DNAAF11: variants seen among roughly 807,000 people sequenced by gnomAD.
The protein encoded by DNAAF11 is dynein axonemal assembly factor 11.
In DNAAF11, 45 loss-of-function variants were observed where a neutral mutation model predicts 60.8. The observed-to-expected ratio is 0.74, with a 90% CI of 0.58 to 0.95. DNAAF11 has a LOEUF of 0.95. DNAAF11 is among the 40% of genes least tolerant of loss of function. The pLI, the probability that DNAAF11 is intolerant of heterozygous loss-of-function variation, is 0.00. For synonymous variants in DNAAF11, 191 were observed against 183.5 expected (o/e 1.04, Z -0.33); for missense variants, 546 against 546.2 (o/e 1.00, Z 0.00).
At chr8:132,632,411 T>A (rs1328665476) in intron 5 of DNAAF11, among the ~76,000 whole-genome samples, 1 of 152,258 alleles carries the variant, frequency 6.6e-6, no homozygotes, top group African/African-American at 2.4e-5. Flanking sequence ...GATTTGTATT[T>A]AACTTTTCTA....
At chr8:132,668,643 C>T (rs1824876679) in intron 1 of DNAAF11, among the ~76,000 whole-genome samples, 1 of 151,968 alleles carries the variant, frequency 6.6e-6, no homozygotes, top group Non-Finnish European at 1.5e-5. Context: ...GGGGTTTCAC[C>T]GTGTTAGCCA....
intron 11 of DNAAF11, among the ~76,000 whole-genome samples, chr8:132,574,364 C>T (rs1327073882): frequency 1.3e-5 from 2 of 152,192 alleles, no homozygotes; most frequent in African/African-American, 2.4e-5. Context: ...CTGTGCCTTG[C>T]AATGTGTGCA....
intron 10 of DNAAF11, among the ~76,000 whole-genome samples, chr8:132,585,888 G>A (rs1815840192): frequency 6.6e-6 from 1 of 152,112 alleles, no homozygotes; most frequent in Non-Finnish European, 1.5e-5. Context: ...TGTCTATATG[G>A]TTTAAATATG....
At chr8:132,677,128 G>C (rs1428505757), upstream of DNAAF11, among the ~76,000 whole-genome samples, 1 of 152,176 alleles carries the variant, frequency 6.6e-6, no homozygotes, top group Non-Finnish European at 1.5e-5. Flanking sequence ...CGCTGACACT[G>C]ACACGTGACA....
At chr8:132,622,350 AGTTTCATGGG>A (rs1386432519) in intron 7 of DNAAF11, among the ~76,000 whole-genome samples, 3 of 152,240 alleles carry the variant, frequency 2.0e-5, no homozygotes, top group African/African-American at 7.2e-5. Flanking sequence ...TATGGTCCAA[AGTTTCATGGG>A]GTACATAAAT....
At chr8:132,654,244 T>C (rs1407936172) in intron 3 of DNAAF11, among the ~76,000 whole-genome samples, 2 of 152,072 alleles carry the variant, frequency 1.3e-5, no homozygotes, top group African/African-American at 4.8e-5. Context: ...TAAACATATA[T>C]GCACCTAAGA....
At position 132,653,891 on chromosome 8, in the gene DNAAF11, C is replaced by G. The variant is rs190627051; in HGVS notation, c.256+2939G>C. On this transcript the variant is annotated intron_variant, in intron 3 of 11. Coordinates refer to ENST00000620350, the MANE Select transcript of DNAAF11 (RefSeq NM_012472.6). ...TATATAGAAAACACATTGCAGATAA[C>G]AGACACAAATTCTGCCTTATTGCTA... is the stretch of plus-strand genomic sequence containing the variant. 2.0e-5 allele frequency among the ~76,000 whole-genome samples: 3 copies of G among 152,160 alleles called. No homozygotes were observed. In the East Asian group the frequency reaches 5.8e-4, roughly 29 times the overall value.
chr8:132,614,810 T>C (rs1409486915), intron 8 of DNAAF11, among the ~76,000 whole-genome samples: 2 of 152,214 alleles, frequency 1.3e-5, no homozygotes, highest in African/African-American at 4.8e-5. Context: ...ATTTAAACTC[T>C]GCCTTAGATA....
In DNAAF11 at chr8:132,572,391, GGT is replaced by G. The variant is rs1173280896; in HGVS notation, c.1314_1315del (p.Pro439GlnfsTer5). The stretch of plus-strand genomic sequence containing the variant: ...AATTTTGGGTTCAGGTCGTCTTCTG[GGT>G]GTGTGTTTTTTCTCTTGAACTATGT... On this transcript the variant is annotated frameshift_variant, in exon 12 of 12. Transcript: ENST00000620350. LOFTEE classifies it high-confidence loss of function. The G allele has an allele frequency of 5.0e-6, 8 of 1,613,612 alleles. No individual in the cohort carries two copies. Among genetic ancestry groups the G allele is most frequent in the Non-Finnish European group, 6.8e-6 (8 of 1,179,802 alleles).
At chr8:132,695,738 G>A in the DNAAF11 span, among the ~76,000 whole-genome samples, 164 of 76,544 alleles carry the variant, frequency 2.1e-3, no homozygotes, top group African/African-American at 5.9e-3. Context: ...AGAAAGGCCC[G>A]GATGTGTGTT....
intron 9 of DNAAF11, among the ~76,000 whole-genome samples, chr8:132,611,013 A>G (rs1427470441): frequency 1.3e-5 from 2 of 151,972 alleles, no homozygotes; most frequent in African/African-American, 4.8e-5. Flanking sequence ...TCCTGCTTCA[A>G]TCTCCCGAGG....
At chr8:132,593,265 A>G (rs1816646652) in intron 10 of DNAAF11, among the ~76,000 whole-genome samples, 1 of 149,770 alleles carries the variant, frequency 6.7e-6, no homozygotes, top group Non-Finnish European at 1.5e-5. Context: ...GTAAAAAAAG[A>G]TATGTGTTTA....
the DNAAF11 span, among the ~76,000 whole-genome samples, chr8:132,697,967 T>C: frequency 1.1e-4 from 17 of 152,176 alleles, no homozygotes; most frequent in Non-Finnish European, 8.8e-5. Context: ...ATAAAATGTA[T>C]GTATTTATAA....
chr8:132,697,731 G>C, the DNAAF11 span, among the ~76,000 whole-genome samples: 4 of 152,178 alleles, frequency 2.6e-5, no homozygotes, highest in South Asian at 2.1e-4. Flanking sequence ...AATCGTACTA[G>C]AGAGATTGAC....
At chr8:132,638,887 C>T (rs1044631548) in intron 3 of DNAAF11, among the ~76,000 whole-genome samples, 3 of 152,144 alleles carry the variant, frequency 2.0e-5, no homozygotes, top group African/African-American at 7.2e-5. Flanking sequence ...GGAGTCCAGA[C>T]TTGGGAATTA....
At chr8:132,627,560 G>GGGTCTAAAGTTTAAATAAAA in intron 5 of DNAAF11, among the ~76,000 whole-genome samples, 1 of 152,258 alleles carries the variant, frequency 6.6e-6, no homozygotes, top group Non-Finnish European at 1.5e-5. Context: ...AGGTACTAAA[G>GGGTCTAAAGTTTAAATAAAA]GGTCTAAAGT....
chr8:132,608,278 C>A (rs928810605), intron 10 of DNAAF11: 2 of 180,888 alleles, frequency 1.1e-5, no homozygotes. Flanking sequence ...ACATAGTAGT[C>A]GAAAATCTTA....
intron 8 of DNAAF11, among the ~76,000 whole-genome samples, chr8:132,614,533 G>A (rs1315291964): frequency 6.6e-6 from 1 of 152,088 alleles, no homozygotes; most frequent in Non-Finnish European, 1.5e-5. Flanking sequence ...TGGTGATGAG[G>A]GCAGGCAGGA....
rs141179608 is a variant in DNAAF11 at position 132,671,021 on chromosome 8, G to A, written c.10+4463C>T. ...TATCGAGCAGAGAAAGACTCTTCCC[G>A]TAAGAATCAGAAAAAAAGGCCAGGA... On this transcript the variant is annotated intron_variant, in intron 1 of 11. Coordinates refer to ENST00000620350, the MANE Select transcript of DNAAF11 (RefSeq NM_012472.6). 2.3e-3 allele frequency among the ~76,000 whole-genome samples: 355 copies of A among 152,070 alleles called. 2 individuals are homozygous for A. Among genetic ancestry groups the A allele is most frequent in the African/African-American group, 7.8e-3 (322 of 41,490 alleles).
Sources: gnomAD v4.1 joint callset for allele counts (sites outside exome capture counted in the v4.1 genomes callset) on GRCh38, gnomAD v4.1.1 for gene constraint, MANE v1.5 for transcripts, NCBI Gene and HGNC (gene_info 2026-07-23, HGNC 2026-07-21) for gene names.